The following OSBPL10 variants were observed in gnomAD, a reference collection of about 807,000 sequenced individuals.
The protein encoded by OSBPL10 is oxysterol-binding protein-related protein 10.
In OSBPL10, 49 loss-of-function variants were observed where a neutral mutation model predicts 81.7. That is an observed-to-expected ratio of 0.60 (90% CI 0.48 to 0.76). The LOEUF (loss-of-function observed/expected upper bound fraction) is 0.76. Among genes scored for constraint, OSBPL10 ranks in the 30% least tolerant of loss-of-function variants. The pLI is 0.00. For synonymous variants in OSBPL10, 419 were observed against 383.6 expected (o/e 1.09, Z -1.08); for missense variants, 923 against 987.8 (o/e 0.93, Z 0.88).
At chr3:31,783,998 G>C (rs1271382552) in intron 4 of OSBPL10, among the ~76,000 whole-genome samples, 1 of 151,046 alleles carries the variant, frequency 6.6e-6, no homozygotes, top group Non-Finnish European at 1.5e-5. Context: ...TAACAAGTTT[G>C]TGATTCACCA....
chr3:31,747,487 TAAAAAAAA>T lies in OSBPL10; in HGVS notation c.940+415_940+422del, dbSNP rs61150758. Among the ~76,000 whole-genome samples, 12 of 98,500 alleles carry T rather than the reference TAAAAAAAA, an allele frequency of 1.2e-4. 1 individual carries two copies. The highest frequency in any genetic ancestry group is 1.0e-3 in the Admixed American group (8 of 7,988). 64.6% of individuals were successfully genotyped at this position (98,500 alleles called of 152,430 possible). A position where few individuals can be genotyped will look rare whatever the true frequency, so the allele number is the denominator to read the frequency against. ...GAATGGAATGAAATGAATCTTCAAA[TAAAAAAAA>T]AAAAAAAAAAAAAAACACAGAATGC... On this transcript the variant is annotated intron_variant, in intron 5 of 11. Coordinates refer to ENST00000396556, the MANE Select transcript of OSBPL10 (RefSeq NM_017784.5).
intron 5 of OSBPL10, among the ~76,000 whole-genome samples, chr3:31,733,879 G>A (rs186439649): frequency 0.014 from 2,049 of 151,704 alleles, 50 homozygotes; most frequent in African/African-American, 0.047. Context: ...GCGTGGTGGC[G>A]GGCACCTGTA....
chr3:31,775,836 T>A (rs1415526384), intron 4 of OSBPL10, among the ~76,000 whole-genome samples: 2 of 152,032 alleles, frequency 1.3e-5, no homozygotes, highest in African/African-American at 4.8e-5. Flanking sequence ...GCTGCCACCA[T>A]GTAAGAGGGC....
At chr3:31,845,234 T>A (rs1293867003) in intron 3 of OSBPL10, among the ~76,000 whole-genome samples, 1 of 152,204 alleles carries the variant, frequency 6.6e-6, no homozygotes, top group East Asian at 1.9e-4. Context: ...CTCCTGCTCA[T>A]CCTGAAAGGG....
chr3:31,810,845 T>C (rs1162681575), intron 4 of OSBPL10, among the ~76,000 whole-genome samples: 2 of 152,178 alleles, frequency 1.3e-5, no homozygotes, highest in African/African-American at 4.8e-5. Flanking sequence ...ATCAAGCAAT[T>C]ACACATCCAT....
chr3:31,975,744 C>G (rs1352260270), intron 1 of OSBPL10, among the ~76,000 whole-genome samples: 1 of 152,210 alleles, frequency 6.6e-6, no homozygotes, highest in Non-Finnish European at 1.5e-5. Flanking sequence ...CTAATAATAG[C>G]TAACACTGGC....
chr3:31,690,774 T>A (rs1479795880), intron 7 of OSBPL10, among the ~76,000 whole-genome samples: 4 of 152,180 alleles, frequency 2.6e-5, no homozygotes, highest in African/African-American at 9.7e-5. Flanking sequence ...CTGTTGTGTG[T>A]TTCATTGGAG....
At chr3:31,979,089 TGCTGTTAC>T (rs368512633) in intron 1 of OSBPL10, among the ~76,000 whole-genome samples, 338 of 152,278 alleles carry the variant, frequency 2.2e-3, no homozygotes, top group African/African-American at 7.7e-3. Flanking sequence ...ACCAACAAAA[TGCTGTTAC>T]TGACAAGGCA....
At chr3:31,779,324 C>T (rs1023094513) in intron 4 of OSBPL10, among the ~76,000 whole-genome samples, 1 of 152,098 alleles carries the variant, frequency 6.6e-6, no homozygotes, top group Non-Finnish European at 1.5e-5. Flanking sequence ...TAAAGAGACT[C>T]ACCTAATGCA....
At chr3:31,876,716 C>A (rs1559501777) in intron 2 of OSBPL10, among the ~76,000 whole-genome samples, 1 of 152,110 alleles carries the variant, frequency 6.6e-6, no homozygotes, top group Non-Finnish European at 1.5e-5. Context: ...CACGGAAAAT[C>A]CTCTCTTGAG....
intron 7 of OSBPL10, among the ~76,000 whole-genome samples, chr3:31,697,046 C>G (rs1695742040): frequency 6.6e-6 from 1 of 152,222 alleles, no homozygotes; most frequent in Non-Finnish European, 1.5e-5. Flanking sequence ...AATTTACACT[C>G]TTGCATAATC....
At chr3:31,686,954 A>G (rs1040220753) in intron 7 of OSBPL10, among the ~76,000 whole-genome samples, 1 of 152,138 alleles carries the variant, frequency 6.6e-6, no homozygotes. Flanking sequence ...TCTGCCCCAG[A>G]ATCACCCAAG....
At chr3:31,827,742 C>T (rs1338929499) in intron 4 of OSBPL10, among the ~76,000 whole-genome samples, 2 of 152,096 alleles carry the variant, frequency 1.3e-5, no homozygotes, top group African/African-American at 4.8e-5. Flanking sequence ...GAAAGGTTAA[C>T]AGTGGTTATC....
At chr3:31,880,006 G>A (rs1275484242) in intron 1 of OSBPL10, among the ~76,000 whole-genome samples, 176 bp from the exon 2 acceptor site, 2 of 152,168 alleles carry the variant, frequency 1.3e-5, no homozygotes, top group Non-Finnish European at 2.9e-5. Context: ...AGAGAGCACT[G>A]GATTCTTAAA....
intron 9 of OSBPL10, among the ~76,000 whole-genome samples, chr3:31,669,295 TA>T (rs371568218): frequency 3.4e-4 from 51 of 150,478 alleles, no homozygotes; most frequent in Middle Eastern, 3.4e-3. Context: ...AAAAATTAAT[TA>T]AAAAAAAAGG....
intron 9 of OSBPL10, among the ~76,000 whole-genome samples, chr3:31,670,511 G>A (rs777223180): frequency 2.0e-5 from 3 of 152,176 alleles, no homozygotes; most frequent in Non-Finnish European, 4.4e-5. Flanking sequence ...GCAACAAACT[G>A]TGGCTTCAGA....
intron 2 of OSBPL10, among the ~76,000 whole-genome samples, chr3:32,014,934 G>T (rs1028253343): frequency 5.9e-5 from 9 of 151,986 alleles, no homozygotes; most frequent in African/African-American, 1.7e-4. Context: ...CACTGCTCAA[G>T]GAAATAAAAG....
At chr3:31,907,732 AT>A (rs1696453486) in intron 1 of OSBPL10, among the ~76,000 whole-genome samples, 1 of 147,272 alleles carries the variant, frequency 6.8e-6, no homozygotes, top group African/African-American at 2.5e-5. Context: ...TCTATAGTTT[AT>A]TTTATTAAAT....
chr3:31,890,394 G>A (rs1404443342), intron 1 of OSBPL10, among the ~76,000 whole-genome samples: 2 of 151,930 alleles, frequency 1.3e-5, no homozygotes, highest in African/African-American at 2.4e-5. Context: ...TTTTGAGAAA[G>A]GTTTAAAGAC....
Sources: allele counts gnomAD v4.1 joint callset (sites outside exome capture counted in the v4.1 genomes callset), GRCh38; gene constraint gnomAD v4.1.1; transcripts MANE v1.5; gene names NCBI Gene and HGNC (gene_info 2026-07-23, HGNC 2026-07-21).